SHC4: variants seen among roughly 807,000 people sequenced by gnomAD.
SHC4 encodes SHC-transforming protein 4.
SHC4 carries 41 observed loss-of-function variants against 69.4 expected under a neutral mutation model. That is an observed-to-expected ratio of 0.59 (90% CI 0.46 to 0.77). The LOEUF (loss-of-function observed/expected upper bound fraction) is 0.77, where lower values mean the gene tolerates loss of function less well. SHC4 is among the 30% of genes least tolerant of loss of function. SHC4 has a pLI of 0.00. For missense variants in SHC4, 777 were observed against 783.8 expected (o/e 0.99, Z 0.10); for synonymous variants, 318 against 299.3 (o/e 1.06, Z -0.64).
chr15:48,906,600 A>C (rs1285366447), intron 2 of SHC4, among the ~76,000 whole-genome samples: 1 of 152,130 alleles, frequency 6.6e-6, no homozygotes, highest in Non-Finnish European at 1.5e-5. Context: ...TCCAGGGTAA[A>C]GCCTCAATCG....
intron 10 of SHC4, among the ~76,000 whole-genome samples, chr15:48,842,407 T>A (rs1899008423): frequency 6.6e-6 from 1 of 152,200 alleles, no homozygotes; most frequent in African/African-American, 2.4e-5. Context: ...TCAGCAAAAG[T>A]ACGTAGTAGA....
chr15:48,954,952 T>C (rs1901419924), intron 1 of SHC4, among the ~76,000 whole-genome samples: 1 of 152,208 alleles, frequency 6.6e-6, no homozygotes, highest in Admixed American at 6.5e-5. Flanking sequence ...CTCAAAGAAC[T>C]GCTGTACAAA....
chr15:48,918,579 AT>A (rs11302633), intron 2 of SHC4, among the ~76,000 whole-genome samples: 64,403 of 151,854 alleles, frequency 0.42, 15,516 homozygotes, highest in Middle Eastern at 0.54. Flanking sequence ...TTTTCTTTAA[AT>A]TTTTTTATGT....
chr15:48,848,001 TAA>T (rs571529935), intron 9 of SHC4, among the ~76,000 whole-genome samples: 9 of 99,818 alleles, frequency 9.0e-5, no homozygotes, highest in Admixed American at 2.0e-4. Context: ...AAACTCCGTC[TAA>T]AAAAAAAAAA....
chr15:48,872,195 T>C (rs1899690455), intron 4 of SHC4, 53 bp from the exon 5 acceptor site: 5 of 1,122,656 alleles, frequency 4.5e-6, no homozygotes, highest in Admixed American at 2.4e-5. Context: ...TTTCTAGTTA[T>C]ATACAGTCTA....
intron 11 of SHC4, among the ~76,000 whole-genome samples, chr15:48,826,590 T>C (rs772235353): frequency 1.1e-4 from 16 of 152,304 alleles, no homozygotes; most frequent in Middle Eastern, 3.4e-3. Context: ...AAAGCAACCA[T>C]TCCCATAAGT....
At chr15:48,938,972 T>C (rs1302895764) in intron 1 of SHC4, among the ~76,000 whole-genome samples, 2 of 152,212 alleles carry the variant, frequency 1.3e-5, no homozygotes, top group African/African-American at 2.4e-5. Context: ...AGTTTCCTCA[T>C]CCATAAAACA....
chr15:48,913,492 G>C (rs552692618), intron 2 of SHC4, among the ~76,000 whole-genome samples: 5 of 152,170 alleles, frequency 3.3e-5, no homozygotes, highest in South Asian at 2.1e-4. Flanking sequence ...GAGCGACAGG[G>C]GCTTGAAAAC....
intron 11 of SHC4, among the ~76,000 whole-genome samples, chr15:48,833,851 C>A (rs1269165710): frequency 1.3e-5 from 2 of 152,178 alleles, no homozygotes; most frequent in East Asian, 3.9e-4. Flanking sequence ...TTCTTCTTAC[C>A]AGTTTTGACA....
intron 1 of SHC4, among the ~76,000 whole-genome samples, chr15:48,943,491 C>T (rs1901213934): frequency 1.3e-5 from 2 of 151,890 alleles, no homozygotes; most frequent in African/African-American, 4.8e-5. Context: ...TTTCTTTATC[C>T]CTTTATCCAT....
intron 4 of SHC4, among the ~76,000 whole-genome samples, chr15:48,874,676 A>C (rs1283921759): frequency 6.6e-6 from 1 of 152,200 alleles, no homozygotes; most frequent in Non-Finnish European, 1.5e-5. Flanking sequence ...ACAGATTAAC[A>C]ATAGCAGAGA....
chr15:48,830,158 A>G (rs1019979939), intron 11 of SHC4, among the ~76,000 whole-genome samples: 6 of 152,054 alleles, frequency 3.9e-5, no homozygotes, highest in Non-Finnish European at 7.4e-5. Context: ...TTAATTTTTC[A>G]TAGTGAATAG....
At chr15:48,898,878 T>C (rs1900268350) in intron 2 of SHC4, among the ~76,000 whole-genome samples, 1 of 152,188 alleles carries the variant, frequency 6.6e-6, no homozygotes, top group Admixed American at 6.5e-5. Context: ...ATAAAATACA[T>C]GGGAATTTAT....
chr15:48,940,736 T>C (rs1011770500), intron 1 of SHC4, among the ~76,000 whole-genome samples: 3 of 152,190 alleles, frequency 2.0e-5, no homozygotes, highest in Non-Finnish European at 2.9e-5. Context: ...ATTGACGTCA[T>C]TCTCCCTCTA....
At chr15:48,883,168 C>A (rs1246638926) in intron 4 of SHC4, among the ~76,000 whole-genome samples, 1 of 152,060 alleles carries the variant, frequency 6.6e-6, no homozygotes, top group African/African-American at 2.4e-5. Flanking sequence ...ATGAAAAGGT[C>A]TCTGAGAATA....
chr15:48,937,523 A>G (rs1901093913), intron 1 of SHC4, among the ~76,000 whole-genome samples: 1 of 152,152 alleles, frequency 6.6e-6, no homozygotes, highest in African/African-American at 2.4e-5. Flanking sequence ...TTTACCATCT[A>G]GGGGAGACTC....
chr15:48,937,688 T>C (rs2141031699), intron 1 of SHC4, among the ~76,000 whole-genome samples: 1 of 152,250 alleles, frequency 6.6e-6, no homozygotes, highest in African/African-American at 2.4e-5. Flanking sequence ...AGAGGAGTGG[T>C]AAGGCCAGAC....
chr15:48,836,852 A>G (rs1185711727), intron 10 of SHC4, among the ~76,000 whole-genome samples: 1 of 152,236 alleles, frequency 6.6e-6, no homozygotes, highest in Non-Finnish European at 1.5e-5. Flanking sequence ...ATCTTTTAAA[A>G]AATATCATTA....
chr15:48,829,362 C>T (rs1898752799), intron 11 of SHC4, among the ~76,000 whole-genome samples: 1 of 152,102 alleles, frequency 6.6e-6, no homozygotes, highest in African/African-American at 2.4e-5. Context: ...GTTTTGCTGT[C>T]TATTTCCCCC....
Sources: allele counts gnomAD v4.1 joint callset (sites outside exome capture counted in the v4.1 genomes callset), GRCh38; gene constraint gnomAD v4.1.1; transcripts MANE v1.5; gene names NCBI Gene and HGNC (gene_info 2026-07-23, HGNC 2026-07-21).